Variants in RAB3C observed in about 807,000 individuals in gnomAD.
RAB3C encodes ras-related protein Rab-3C.
RAB3C carries 17 observed loss-of-function variants against 26.4 expected under a neutral mutation model. The observed-to-expected ratio is 0.64, with a 90% confidence interval of 0.44 to 0.97. The LOEUF (loss-of-function observed/expected upper bound fraction) is 0.97. Among genes scored for constraint, RAB3C ranks in the 50% least tolerant of loss-of-function variants. The pLI, the probability that RAB3C is intolerant of heterozygous loss-of-function variation, is 0.00. For synonymous variants in RAB3C, 91 were observed against 95.9 expected, an observed-to-expected ratio of 0.95 and a Z score of 0.30; for missense variants, 242 against 281.9, an observed-to-expected ratio of 0.86 and a Z score of 1.01.
intron 2 of RAB3C, among the ~76,000 whole-genome samples, chr5:58,625,888 T>A (rs1159557172): frequency 1.3e-5 from 2 of 151,966 alleles, no homozygotes; most frequent in African/African-American, 4.8e-5. Flanking sequence ...ATACCATAGT[T>A]TTGGTAACAG....
chr5:58,627,559 C>T (rs1354990609), intron 2 of RAB3C, among the ~76,000 whole-genome samples: 1 of 147,618 alleles, frequency 6.8e-6, no homozygotes, highest in Non-Finnish European at 1.5e-5. Context: ...TTTAATTACC[C>T]CATATTTATT....
intron 2 of RAB3C, among the ~76,000 whole-genome samples, chr5:58,689,587 G>C (rs1180135949): frequency 6.6e-6 from 1 of 152,082 alleles, no homozygotes; most frequent in Non-Finnish European, 1.5e-5. Flanking sequence ...TGTGGGGGTG[G>C]TTAAAATCAG....
chr5:58,652,518 A>G (rs964763156), intron 2 of RAB3C, among the ~76,000 whole-genome samples: 45 of 151,932 alleles, frequency 3.0e-4, no homozygotes, highest in Non-Finnish European at 2.2e-4. Flanking sequence ...TACAGTCAGA[A>G]GTATTATTAT....
At chr5:58,592,142 A>T in intron 1 of RAB3C, among the ~76,000 whole-genome samples, 1 of 151,646 alleles carries the variant, frequency 6.6e-6, no homozygotes, top group Non-Finnish European at 1.5e-5. Context: ...CAGGTGATCC[A>T]CCTGCGTCGG....
At chr5:58,772,826 G>A (rs148916425) in intron 3 of RAB3C, among the ~76,000 whole-genome samples, 19 of 152,176 alleles carry the variant, frequency 1.2e-4, no homozygotes, top group African/African-American at 4.6e-4. Context: ...GAAATTATAG[G>A]TCTATTGTAT....
chr5:58,673,416 G>A (rs776876805), intron 2 of RAB3C, among the ~76,000 whole-genome samples: 23 of 151,122 alleles, frequency 1.5e-4, no homozygotes, highest in Non-Finnish European at 2.8e-4. Context: ...AGTGGGGAGC[G>A]GTTTCTTTCT....
Position 58,857,333 on chromosome 5 carries a change from T to C in RAB3C, c.*5982T>C, listed in dbSNP as rs965737328. 1 of 152,190 alleles carries C rather than the reference T, an allele frequency of 6.6e-6. No individual in the cohort carries two copies. Among genetic ancestry groups the C allele is most frequent in the Non-Finnish European group, 1.5e-5 (1 of 68,026 alleles). 9.4% of individuals were successfully genotyped at this position (152,190 alleles called of 1,614,324 possible). ...ACCAAACATTTAGTATCTGGAAATA[T>C]GTGTCAATTTTATCTCTTAGAATTG... is the stretch of plus-strand genomic sequence containing the variant. On this transcript the variant is annotated 3_prime_UTR_variant, in exon 5 of 5. Transcript: ENST00000282878.
chr5:58,719,530 C>T lies in RAB3C; in HGVS notation c.253-6472C>T, dbSNP rs955840416. Among the ~76,000 whole-genome samples, 6 of 151,880 alleles carry T rather than the reference C, an allele frequency of 4.0e-5. No individual in the cohort carries two copies. In the South Asian group the frequency reaches 8.3e-4, roughly 21 times the overall value. Reference sequence around the variant, plus strand: ...TGGGGTCAGTGACTGTGCTAGTTTCCTAGGGCTGCTATAACAAAGAGGCAC... The same window carrying T: ...TGGGGTCAGTGACTGTGCTAGTTTCTTAGGGCTGCTATAACAAAGAGGCAC... On this transcript the variant is annotated intron_variant, in intron 2 of 4. Coordinates refer to ENST00000282878, the MANE Select transcript of RAB3C (RefSeq NM_138453.4).
intron 3 of RAB3C, among the ~76,000 whole-genome samples, chr5:58,774,515 A>T (rs1742087131): frequency 6.6e-6 from 1 of 152,154 alleles, no homozygotes; most frequent in Non-Finnish European, 1.5e-5. Flanking sequence ...ATTAGTGGGG[A>T]AAAACATATA....
intron 2 of RAB3C, among the ~76,000 whole-genome samples, chr5:58,703,366 G>A (rs900254194): frequency 3.3e-5 from 5 of 151,996 alleles, no homozygotes; most frequent in Admixed American, 6.6e-5. Flanking sequence ...ATTTTTTGTA[G>A]AGATGGGGTT....
intron 3 of RAB3C, among the ~76,000 whole-genome samples, chr5:58,782,201 G>C (rs1326286073): frequency 6.6e-6 from 1 of 152,066 alleles, no homozygotes; most frequent in Non-Finnish European, 1.5e-5. Flanking sequence ...TTGTCTACTG[G>C]TATACCACAG....
chr5:58,613,719 T>C (rs1746765831), intron 1 of RAB3C, among the ~76,000 whole-genome samples: 1 of 152,128 alleles, frequency 6.6e-6, no homozygotes, highest in Non-Finnish European at 1.5e-5. Context: ...TTGGACTAAG[T>C]AGGTAAATAT....
At chr5:58,776,209 T>C (rs553018068) in intron 3 of RAB3C, among the ~76,000 whole-genome samples, 1 of 152,262 alleles carries the variant, frequency 6.6e-6, no homozygotes, top group Non-Finnish European at 1.5e-5. Context: ...AGCTTAAGGA[T>C]GTCATACAAC....
chr5:58,610,301 A>G (rs73098342), intron 1 of RAB3C, among the ~76,000 whole-genome samples: 3,647 of 151,552 alleles, frequency 0.024, 155 homozygotes, highest in African/African-American at 0.082. Context: ...ATTTAACTTC[A>G]TGAGAAACTG....
intron 2 of RAB3C, among the ~76,000 whole-genome samples, chr5:58,621,318 G>A (rs1477485937): frequency 6.6e-6 from 1 of 152,110 alleles, no homozygotes; most frequent in African/African-American, 2.4e-5. Flanking sequence ...CCCCCAAATA[G>A]AACTGTTTCT....
intron 1 of RAB3C, among the ~76,000 whole-genome samples, chr5:58,591,898 AT>A (rs36103498): frequency 0.16 from 18,825 of 118,404 alleles, 1,058 homozygotes; most frequent in South Asian, 0.24. Context: ...TTCTTTTTCT[AT>A]TTTTTTTTTT....
At chr5:58,779,422 T>G (rs1289182312) in intron 3 of RAB3C, among the ~76,000 whole-genome samples, 1 of 151,638 alleles carries the variant, frequency 6.6e-6, no homozygotes, top group African/African-American at 2.4e-5. Flanking sequence ...GCTCACTCTG[T>G]TGCCCAGGCA....
intron 1 of RAB3C, among the ~76,000 whole-genome samples, chr5:58,610,194 C>CTCTGTGTGTGTGTGTG (rs1746668435): frequency 7.0e-6 from 1 of 143,386 alleles, no homozygotes; most frequent in Non-Finnish European, 1.5e-5. Flanking sequence ...TTTTGTTTTT[C>CTCTGTGTGTGTGTGTG]TGTGTGTGTG....
At chr5:58,623,942 G>C (rs965683146) in intron 2 of RAB3C, among the ~76,000 whole-genome samples, 1 of 152,028 alleles carries the variant, frequency 6.6e-6, no homozygotes, top group African/African-American at 2.4e-5. Flanking sequence ...TTTATGTAGT[G>C]GGGGGAAATA....
Sources: allele counts gnomAD v4.1 joint callset (sites outside exome capture counted in the v4.1 genomes callset), GRCh38; gene constraint gnomAD v4.1.1; transcripts MANE v1.5; gene names NCBI Gene and HGNC (gene_info 2026-07-23, HGNC 2026-07-21).